The following SPECC1L variants were observed in gnomAD, a reference collection of about 807,000 sequenced individuals.
SPECC1L encodes sperm antigen with calponin homology and coiled-coil domains 1 like, also known as cytospin-A.
Under a neutral mutation model 116.8 loss-of-function variants are expected in SPECC1L, and 40 were observed. The ratio of observed to expected loss-of-function variants is 0.34; its 90% CI spans 0.27 to 0.45. The LOEUF is 0.45. Among genes scored for constraint, SPECC1L ranks in the 20% least tolerant of loss-of-function variants. SPECC1L has a pLI of 1.00. For synonymous variants in SPECC1L, 504 were observed against 500.6 expected, an observed-to-expected ratio of 1.01 and a Z score of -0.09; for missense variants, 1,110 against 1,373.6, an observed-to-expected ratio of 0.81 and a Z score of 3.03.
At chr22:24,376,171 A>G (rs891010634) in intron 14 of SPECC1L, among the ~76,000 whole-genome samples, 1 of 152,164 alleles carries the variant, frequency 6.6e-6, no homozygotes, top group African/African-American at 2.4e-5. Context: ...AATGATCTCT[A>G]TTTGCAGATG....
chr22:24,305,242 A>C (rs1369533507), intron 3 of SPECC1L, among the ~76,000 whole-genome samples: 1 of 152,232 alleles, frequency 6.6e-6, no homozygotes, highest in Non-Finnish European at 1.5e-5. Flanking sequence ...GAATCATCAC[A>C]AAATGAAACA....
intron 2 of SPECC1L, among the ~76,000 whole-genome samples, chr22:24,278,143 C>G (rs2048873111): frequency 6.6e-6 from 1 of 151,982 alleles, no homozygotes; most frequent in Admixed American, 6.6e-5. Flanking sequence ...TCACTTGAGC[C>G]TAGTAGTTTG....
chr22:24,368,708 G>A (rs561479714), intron 13 of SPECC1L, among the ~76,000 whole-genome samples: 106 of 152,220 alleles, frequency 7.0e-4, no homozygotes, highest in African/African-American at 2.3e-3. Flanking sequence ...GTGCAATGGC[G>A]TAATCTCAGC....
intron 9 of SPECC1L, 136 bp downstream of exon 9, chr22:24,334,709 C>A: frequency 1.1e-6 from 1 of 944,632 alleles, no homozygotes; most frequent in Non-Finnish European, 1.7e-6. Context: ...ATGCACTAGA[C>A]TTAACAGAAG....
At chr22:24,376,208 A>G (rs1042788223) in intron 14 of SPECC1L, among the ~76,000 whole-genome samples, 2 of 152,200 alleles carry the variant, frequency 1.3e-5, no homozygotes, top group African/African-American at 2.4e-5. Flanking sequence ...GATTTTTTTA[A>G]GAGATAGGGT....
chr22:24,347,093 C>T lies in SPECC1L; in HGVS notation c.2660C>T (p.Ser887Phe). The T allele has an allele frequency of 6.2e-7, 1 of 1,613,248 alleles. No homozygotes were observed. The highest frequency in any genetic ancestry group is 2.2e-5 in the East Asian group (1 of 44,848). The change falls in exon 11 of 17, where the codon TCC becomes TTC. Residue 887 changes from serine (S) to phenylalanine (F), a missense_variant. By Grantham distance (155) the Ser-to-Phe change is radical. Transcript: ENST00000314328. ...AAAVSPMQRH[S>F]ISGPISTSKP... ...TTTATCTTATGATTTCAGAGACATT[C>T]CATAAGTGGACCAATCTCAACATCC...
At chr22:24,327,436 T>G (rs1293984303) in intron 6 of SPECC1L, among the ~76,000 whole-genome samples, 1 of 152,114 alleles carries the variant, frequency 6.6e-6, no homozygotes, top group African/African-American at 2.4e-5. Flanking sequence ...AGCATACTCA[T>G]ACTTTAGGGT....
chr22:24,319,703 T>G (rs2040680922), intron 4 of SPECC1L, among the ~76,000 whole-genome samples: 1 of 152,196 alleles, frequency 6.6e-6, no homozygotes, highest in African/African-American at 2.4e-5. Context: ...TCACTTCTGC[T>G]TCCTTTCGTT....
chr22:24,387,998 T>C (rs2042192472), intron 14 of SPECC1L, among the ~76,000 whole-genome samples: 1 of 152,228 alleles, frequency 6.6e-6, no homozygotes, highest in Non-Finnish European at 1.5e-5. Flanking sequence ...GACCATAGGT[T>C]ATCTGCTTTT....
At position 24,369,336 on chromosome 22, in the gene SPECC1L, T is replaced by G. The variant is rs750848931; in HGVS notation, c.3087+16T>G. On this transcript the variant is annotated intron_variant, in intron 14 of 16. Coordinates refer to ENST00000314328, the MANE Select transcript of SPECC1L (RefSeq NM_015330.6). ...AGGCTATCAGGTAATCATATGATTC[T>G]TTTGTCCCATGTGAGTAATTGGCAA... The G allele has an allele frequency of 2.5e-6, 4 of 1,591,598 alleles. No individual in the cohort carries two copies. The Admixed American group carries it at 6.7e-5, about 27-fold the overall frequency.
chr22:24,313,558 G>A, intron 4 of SPECC1L, 92 bp downstream of exon 4: 2 of 1,444,020 alleles, frequency 1.4e-6, no homozygotes, highest in Non-Finnish European at 1.9e-6. Flanking sequence ...CTAATTATAG[G>A]AAATTTTAGA....
At chr22:24,297,560 A>G (rs1601514171) in intron 2 of SPECC1L, among the ~76,000 whole-genome samples, 1 of 152,228 alleles carries the variant, frequency 6.6e-6, no homozygotes, top group Admixed American at 6.5e-5. Flanking sequence ...TGTCATGCGC[A>G]TCCTATTGGT....
chr22:24,335,985 T>A (rs537876822), intron 9 of SPECC1L, among the ~76,000 whole-genome samples: 1 of 152,244 alleles, frequency 6.6e-6, no homozygotes, highest in Non-Finnish European at 1.5e-5. Flanking sequence ...CTTATGTGTA[T>A]GTATACATAT....
At chr22:24,413,170 G>C (rs1029518327) in intron 16 of SPECC1L, among the ~76,000 whole-genome samples, 3 of 152,200 alleles carry the variant, frequency 2.0e-5, no homozygotes, top group African/African-American at 7.2e-5. Flanking sequence ...AGGCTGGACC[G>C]GGGAGGCTCC....
chr22:24,374,103 A>T (rs1355736390), intron 14 of SPECC1L, among the ~76,000 whole-genome samples: 1 of 151,892 alleles, frequency 6.6e-6, no homozygotes, highest in East Asian at 1.9e-4. Flanking sequence ...AATGGCGATC[A>T]TTAAAAAGTC....
chr22:24,382,873 G>A (rs2042088520), intron 14 of SPECC1L, among the ~76,000 whole-genome samples: 1 of 151,988 alleles, frequency 6.6e-6, no homozygotes, highest in Non-Finnish European at 1.5e-5. Context: ...ACAACAGAGT[G>A]AGACCCCATC....
At chr22:24,377,158 C>T (rs965968228) in intron 14 of SPECC1L, among the ~76,000 whole-genome samples, 1 of 152,178 alleles carries the variant, frequency 6.6e-6, no homozygotes, top group Non-Finnish European at 1.5e-5. Context: ...TAAGGTTCAT[C>T]CATGCTGTAG....
At chr22:24,290,689 C>T (rs1299426106) in intron 2 of SPECC1L, among the ~76,000 whole-genome samples, 5 of 152,156 alleles carry the variant, frequency 3.3e-5, no homozygotes, top group African/African-American at 4.8e-5. Context: ...AGTTTTTTGA[C>T]ATGACAAGGC....
At chr22:24,398,862 C>G (rs563252851) in intron 14 of SPECC1L, among the ~76,000 whole-genome samples, 1 of 152,216 alleles carries the variant, frequency 6.6e-6, no homozygotes, top group Non-Finnish European at 1.5e-5. Flanking sequence ...TCCTCCCTCA[C>G]CCAGTCCCTT....
Sources: gnomAD v4.1 joint callset for allele counts (sites outside exome capture counted in the v4.1 genomes callset) on GRCh38, gnomAD v4.1.1 for gene constraint, MANE v1.5 for transcripts, NCBI Gene and HGNC (gene_info 2026-07-23, HGNC 2026-07-21) for gene names.